SDCBP2: variants seen among roughly 807,000 people sequenced by gnomAD.
SDCBP2 encodes syndecan binding protein 2.
A neutral mutation model predicts 30.7 loss-of-function variants in SDCBP2; 28 were observed. The observed-to-expected ratio is 0.91, with a 90% CI of 0.68 to 1.25. The LOEUF (loss-of-function observed/expected upper bound fraction) is 1.25, where lower values mean the gene tolerates loss of function less well. Ranked by LOEUF, SDCBP2 falls within the 50% of genes most tolerant of loss-of-function variation. The probability of loss-of-function intolerance (pLI) is 0.00; values close to 1 mark genes in which losing one functional copy is unlikely to be tolerated. For synonymous variants in SDCBP2, 166 were observed against 157.3 expected (o/e 1.06, Z -0.41); for missense variants, 399 against 379.0 (o/e 1.05, Z -0.44).
At chr20:1,315,661 T>C (rs2088766220) in intron 4 of SDCBP2, among the ~76,000 whole-genome samples, 2 of 151,962 alleles carry the variant, frequency 1.3e-5, no homozygotes. Context: ...ACGCAAAACA[T>C]AAAACTATAA....
rs1452808287 is a variant in SDCBP2, at chr20:1,313,640, C to G, written c.226-142G>C. The G allele has an allele frequency of 2.1e-6, 3 of 1,398,430 alleles. No individual in the cohort carries two copies. The East Asian group carries it at 8.2e-5, about 38-fold the overall frequency. The allele number at this position is 1,398,430 out of a possible 1,614,324, so 86.6% of individuals were successfully genotyped here. A position where few individuals can be genotyped will look rare whatever the true frequency, so the allele number is the denominator to read the frequency against. On this transcript the variant is annotated intron_variant, in intron 4 of 8. Coordinates refer to ENST00000360779, the MANE Select transcript of SDCBP2 (RefSeq NM_080489.5). This position sits in a 1 kb window ranked among gnomAD's most constrained non-coding sequence, Gnocchi z 5.2. ...CACGTCCCCAGTCCACGCTTCTCCC[C>G]TAGGGGCGAGAGGAGACGTGGCTCC... is the stretch of plus-strand genomic sequence containing the variant.
chr20:1,312,187 C>A, intron 7 of SDCBP2, 150 bp downstream of exon 7: 1 of 761,878 alleles, frequency 1.3e-6, no homozygotes. Context: ...CGTGAGTCAC[C>A]GCACCCAGCC....
chr20:1,325,275 T>C (rs1212084399), intron 1 of SDCBP2: 1 of 152,186 alleles, frequency 6.6e-6, no homozygotes, highest in Non-Finnish European at 1.5e-5. Flanking sequence ...CATCTTCCGG[T>C]TGCTACAGGT....
At chr20:1,312,814 G>A in intron 5 of SDCBP2, 52 bp from the exon 6 acceptor site, 1 of 1,535,780 alleles carries the variant, frequency 6.5e-7, no homozygotes, top group Non-Finnish European at 8.8e-7. Flanking sequence ...CCTAGGCACA[G>A]ATCCCTCTTC....
chr20:1,323,071 A>G (rs2088869372), intron 1 of SDCBP2: 1 of 152,212 alleles, frequency 6.6e-6, no homozygotes, highest in East Asian at 1.9e-4. Flanking sequence ...GCAAGTACCC[A>G]TCAGCCCTTC....
At chr20:1,316,740 T>C (rs891938303) in intron 4 of SDCBP2, among the ~76,000 whole-genome samples, 12 of 152,206 alleles carry the variant, frequency 7.9e-5, no homozygotes, top group African/African-American at 2.9e-4. Flanking sequence ...GCCTAGCAAT[T>C]GCACTTTGGG....
rs1026070624 is a variant in SDCBP2, at chr20:1,312,376, G to A, written c.693C>T (p.Tyr231=). ...CATTCTGCCCGTCCACCTCACACACGTAGTGGTTGGTGAGGAGCCCGTTGC... is the reference window on the plus strand; with the variant it reads ...CATTCTGCCCGTCCACCTCACACACATAGTGGTTGGTGAGGAGCCCGTTGC... ...AARNGLLTNH[Y]VCEVDGQNVI... is the part of the protein sequence containing the mutation. Residue 231 remains tyrosine, a synonymous_variant, in exon 7 of 9, where the codon TAC becomes TAT. Coordinates refer to ENST00000360779, the MANE Select transcript of SDCBP2 (RefSeq NM_080489.5). 1.7e-5 allele frequency: 27 copies of A among 1,613,364 alleles called. No homozygotes were observed. The highest frequency in any genetic ancestry group is 5.3e-5 in the African/African-American group (4 of 74,892).
At chr20:1,318,548 CTG>C (rs2088811098) in intron 3 of SDCBP2, 130 bp from the exon 4 acceptor site, 1 of 602,890 alleles carries the variant, frequency 1.7e-6, no homozygotes, top group Admixed American at 3.1e-5. Context: ...ATTTCCAAGA[CTG>C]TGGGGTATCC....
In SDCBP2 at chr20:1,321,485, TC is replaced by T; in HGVS notation, c.-19-1051del. On this transcript the variant is annotated intron_variant, in intron 1 of 8. Transcript: ENST00000360779. The surrounding 1 kb of genome is among the most constrained non-coding windows in gnomAD (Gnocchi z 5.2). ...CTTGTCTGTCATCAAATCCCATCTC[TC>T]CCACATCCCGTGTTGTGCAGGTCCC... 1 of 153,522 alleles carries T rather than the reference TC, an allele frequency of 6.5e-6. No individual in the cohort carries two copies. Among genetic ancestry groups the T allele is most frequent in the Non-Finnish European group, 1.5e-5 (1 of 68,576 alleles). The allele number at this position is 153,522 out of a possible 1,614,324, so 9.5% of individuals were successfully genotyped here.
rs963011001 is a variant in SDCBP2 at position 1,312,020 on chromosome 20, C to T, written c.732+317G>A. ...GCTCAATTAGTCCTCCCACCTCAGC[C>T]TCCTGAGTAGCTAGGACTACAGGTG... On this transcript the variant is annotated intron_variant, in intron 7 of 8. Coordinates refer to ENST00000360779, the MANE Select transcript of SDCBP2 (RefSeq NM_080489.5). 1.3e-4 allele frequency among the ~76,000 whole-genome samples: 19 copies of T among 151,894 alleles called. 1 individual carries two copies. Among genetic ancestry groups the T allele is most frequent in the Non-Finnish European group, 4.4e-5 (3 of 68,020 alleles).
At position 1,313,710 on chromosome 20, in the gene SDCBP2, A is replaced by G; in HGVS notation, c.226-212T>C. 7.7e-7 allele frequency: 1 copy of G among 1,304,740 alleles called. No homozygotes were observed. The highest frequency in any genetic ancestry group is 3.0e-5 in the East Asian group (1 of 33,292). The allele number at this position is 1,304,740 out of a possible 1,614,324, so 80.8% of individuals were successfully genotyped here. A position where few individuals can be genotyped will look rare whatever the true frequency, so the allele number is the denominator to read the frequency against. On this transcript the variant is annotated intron_variant, in intron 4 of 8. Coordinates refer to ENST00000360779, the MANE Select transcript of SDCBP2 (RefSeq NM_080489.5). This position sits in a 1 kb window ranked among gnomAD's most constrained non-coding sequence, Gnocchi z 5.2. Reference sequence around the variant, plus strand: ...TCAAAGTCCATGCCCTTAAAAAGCCAGGAAAACGGGGAGGGAAGGGGCGAG... The same window carrying G: ...TCAAAGTCCATGCCCTTAAAAAGCCGGGAAAACGGGGAGGGAAGGGGCGAG...
Position 1,312,407 on chromosome 20 carries a change from G to A in SDCBP2, c.662C>T (p.Ala221Val), listed in dbSNP as rs535612046. 1.2e-5 allele frequency: 19 copies of A among 1,613,588 alleles called. No individual in the cohort carries two copies. The highest frequency in any genetic ancestry group is 3.3e-4 in the Middle Eastern group (2 of 6,062). The change falls in exon 7 of 9, where the codon GCG (alanine) becomes GTG (valine). Residue 221 changes from alanine to valine, a missense_variant. By Grantham distance (64) the Ala-to-Val change is moderately conservative (BLOSUM62 0). Transcript: ENST00000360779. ...GTTGGTGAGGAGCCCGTTGCGGGCCGCAGAACTCCCTTTGACCAGAGAGAC... is the reference window on the plus strand; with the variant it reads ...GTTGGTGAGGAGCCCGTTGCGGGCCACAGAACTCCCTTTGACCAGAGAGAC... ...KIVSLVKGSS[A>V]ARNGLLTNHY...
At chr20:1,326,441 A>C (rs1034016429) in intron 1 of SDCBP2, among the ~76,000 whole-genome samples, 1 of 152,150 alleles carries the variant, frequency 6.6e-6, no homozygotes, top group African/African-American at 2.4e-5. Context: ...CATGAAGTTC[A>C]TTTATTCCAG....
chr20:1,327,260 A>G (rs1475150569), intron 1 of SDCBP2, among the ~76,000 whole-genome samples: 1 of 152,236 alleles, frequency 6.6e-6, no homozygotes, highest in African/African-American at 2.4e-5. Context: ...TTCGGAGATC[A>G]GCAGGGCTGA....
intron 1 of SDCBP2, among the ~76,000 whole-genome samples, chr20:1,326,121 T>C (rs2088922017): frequency 6.6e-6 from 1 of 152,128 alleles, no homozygotes; most frequent in Non-Finnish European, 1.5e-5. Context: ...CCGTGTAGGA[T>C]GGATGTTCAA....
At chr20:1,311,320 T>A (rs1355683525) in intron 7 of SDCBP2, among the ~76,000 whole-genome samples, 2 of 152,146 alleles carry the variant, frequency 1.3e-5, no homozygotes, top group Non-Finnish European at 2.9e-5. Flanking sequence ...GGCGTACCCA[T>A]CCACCCTCTG....
Position 1,324,944 on chromosome 20 carries a change from A to G in SDCBP2, c.-20+4141T>C, listed in dbSNP as rs1227281821. 3.9e-5 allele frequency among the ~76,000 whole-genome samples: 6 copies of G among 152,178 alleles called. No homozygotes were observed. The highest frequency in any genetic ancestry group is 6.5e-5 in the Admixed American group (1 of 15,282). The stretch of plus-strand genomic sequence containing the variant: ...TCAGCTTTTACAAAGTGAAATGCAT[A>G]TTCTTTTATTAGAAATTACTTTCAT... On this transcript the variant is annotated intron_variant, in intron 1 of 8. Transcript: ENST00000360779. This position sits in a 1 kb window ranked among gnomAD's most constrained non-coding sequence, Gnocchi z 4.7.
At chr20:1,318,484 G>C in intron 3 of SDCBP2, 66 bp from the exon 4 acceptor site, 1 of 963,480 alleles carries the variant, frequency 1.0e-6, no homozygotes, top group East Asian at 2.4e-5. Flanking sequence ...TGCCTGCCTG[G>C]CTCCCCTGTG....
Position 1,310,193 on chromosome 20 carries a change from C to T in SDCBP2, c.*248G>A, listed in dbSNP as rs1343185916. On this transcript the variant is annotated 3_prime_UTR_variant, in exon 9 of 9. Coordinates refer to ENST00000360779, the MANE Select transcript of SDCBP2 (RefSeq NM_080489.5). ...TTAAACAGCCTGCCTCCGTGTCCAG[C>T]ATTTAAATCAGCACAAGAGAATCGG... The T allele has an allele frequency of 7.1e-6, 3 of 420,650 alleles. No homozygotes were observed. Among genetic ancestry groups the T allele is most frequent in the African/African-American group, 4.1e-5 (2 of 49,270 alleles). 26.1% of individuals were successfully genotyped at this position (420,650 alleles called of 1,614,324 possible). A position where few individuals can be genotyped will look rare whatever the true frequency, so the allele number is the denominator to read the frequency against.
Sources: allele counts gnomAD v4.1 joint callset (sites outside exome capture counted in the v4.1 genomes callset), GRCh38; gene constraint gnomAD v4.1.1; non-coding constraint Gnocchi (gnomAD v3.1); transcripts MANE v1.5; gene names NCBI Gene and HGNC (gene_info 2026-07-23, HGNC 2026-07-21).